Variants in LRRC69 observed in about 807,000 individuals in gnomAD.
The protein encoded by LRRC69 is leucine rich repeat containing 69.
LRRC69 carries 42 observed loss-of-function variants against 37.8 expected under a neutral mutation model. The observed-to-expected ratio is 1.11, with a 90% confidence interval of 0.87 to 1.44. The LOEUF (loss-of-function observed/expected upper bound fraction) is 1.44. LRRC69 is among the 40% of genes most tolerant of loss of function. The pLI, the probability that LRRC69 is intolerant of heterozygous loss-of-function variation, is 0.00. For missense variants in LRRC69, 357 were observed against 401.9 expected (o/e 0.89, Z 0.96); for synonymous variants, 141 against 143.1 (o/e 0.99, Z 0.11).
intron 5 of LRRC69, among the ~76,000 whole-genome samples, chr8:91,183,955 CA>C (rs1344445605): frequency 2.0e-5 from 3 of 152,034 alleles, no homozygotes; most frequent in African/African-American, 7.2e-5. Context: ...ATTTACCATT[CA>C]TTTTTTTTAA....
intron 5 of LRRC69, among the ~76,000 whole-genome samples, chr8:91,167,554 A>G (rs1426701701): frequency 6.6e-6 from 1 of 151,966 alleles, no homozygotes; most frequent in South Asian, 2.1e-4. Context: ...GCACTAATAT[A>G]TACAAGGAAG....
intron 5 of LRRC69, among the ~76,000 whole-genome samples, chr8:91,154,445 T>C (rs1034888462): frequency 2.0e-5 from 3 of 151,726 alleles, no homozygotes; most frequent in Non-Finnish European, 4.4e-5. Context: ...CAGGCCAATA[T>C]CTCTGATGAG....
At chr8:91,205,170 G>A (rs1205965952) in intron 7 of LRRC69, among the ~76,000 whole-genome samples, 3 of 152,046 alleles carry the variant, frequency 2.0e-5, no homozygotes, top group Non-Finnish European at 4.4e-5. Flanking sequence ...ATGAATGAAT[G>A]GATAAATAAA....
chr8:91,116,387 A>T (rs1268933971), intron 1 of LRRC69, among the ~76,000 whole-genome samples: 3 of 152,086 alleles, frequency 2.0e-5, no homozygotes, highest in Non-Finnish European at 4.4e-5. Flanking sequence ...AGTACATTGC[A>T]TAGCAAACAG....
chr8:91,148,927 GTTGT>G (rs1333423362), intron 5 of LRRC69, among the ~76,000 whole-genome samples: 3 of 151,770 alleles, frequency 2.0e-5, no homozygotes, highest in Non-Finnish European at 2.9e-5. Flanking sequence ...TTTTGATGGG[GTTGT>G]TTGTTTTTTT....
chr8:91,145,093 A>C (rs1418599305), intron 5 of LRRC69, among the ~76,000 whole-genome samples: 2 of 151,952 alleles, frequency 1.3e-5, no homozygotes, highest in Non-Finnish European at 2.9e-5. Flanking sequence ...CCATGATCAA[A>C]AATGTCCTTA....
chr8:91,193,161 T>C (rs1468158896), intron 6 of LRRC69, among the ~76,000 whole-genome samples: 3 of 129,632 alleles, frequency 2.3e-5, no homozygotes, highest in East Asian at 4.6e-4. Context: ...TAGTTGTAGA[T>C]ATGCGGCGTT....
intron 5 of LRRC69, among the ~76,000 whole-genome samples, chr8:91,180,091 T>C (rs1221988656): frequency 6.6e-6 from 1 of 152,234 alleles, no homozygotes; most frequent in East Asian, 1.9e-4. Flanking sequence ...TATTAGTTAC[T>C]TGTAGCTGTA....
intron 7 of LRRC69, among the ~76,000 whole-genome samples, chr8:91,204,150 G>A (rs1809759998): frequency 6.6e-6 from 1 of 150,782 alleles, no homozygotes; most frequent in Non-Finnish European, 1.5e-5. Flanking sequence ...AAGATTTCTA[G>A]TTGATTTTCA....
intron 3 of LRRC69, chr8:91,130,672 G>A (rs554825452): frequency 1.3e-5 from 2 of 151,868 alleles, no homozygotes; most frequent in Admixed American, 6.6e-5. Flanking sequence ...TTCCAGTTTA[G>A]GGCTATTATG....
At chr8:91,159,218 TAAATA>T (rs1808891710) in intron 5 of LRRC69, among the ~76,000 whole-genome samples, 1 of 151,162 alleles carries the variant, frequency 6.6e-6, no homozygotes, top group Admixed American at 6.6e-5. Context: ...AAACATAAAA[TAAATA>T]AAATAGAATG....
chr8:91,158,465 A>G, intron 5 of LRRC69: 1 of 1,252,782 alleles, frequency 8.0e-7, no homozygotes, highest in Non-Finnish European at 1.2e-6. Flanking sequence ...TAATGGAAGA[A>G]TGTTTGGAAA....
At chr8:91,197,955 G>A (rs1309181768) in intron 6 of LRRC69, among the ~76,000 whole-genome samples, 1 of 152,134 alleles carries the variant, frequency 6.6e-6, no homozygotes, top group Non-Finnish European at 1.5e-5. Context: ...AGTTTTAAGA[G>A]TATCCCTAAG....
chr8:91,133,728 G>A (rs887249942), intron 4 of LRRC69, among the ~76,000 whole-genome samples: 2 of 151,802 alleles, frequency 1.3e-5, no homozygotes, highest in African/African-American at 4.8e-5. Flanking sequence ...TCCACATCCC[G>A]GGTTCAGGTG....
downstream of LRRC69, chr8:91,219,103 A>G: frequency 2.1e-6 from 1 of 485,734 alleles, no homozygotes; most frequent in East Asian, 3.4e-5. Flanking sequence ...CTCTTTGTCA[A>G]CACATTAAAT....
In LRRC69 at chr8:91,189,630, A is replaced by G; in HGVS notation, c.753+7A>G. Reference sequence around the variant, plus strand: ...GAACGTCTGGAGTCTACAGGTGAAGACTTACCTCATTAACTTAAGTCTTCA... The same window carrying G: ...GAACGTCTGGAGTCTACAGGTGAAGGCTTACCTCATTAACTTAAGTCTTCA... On this transcript the variant is annotated splice_region_variant and intron_variant, in intron 6 of 7. Coordinates refer to ENST00000448384, the Ensembl canonical transcript of LRRC69. 2 of 1,510,572 alleles carry G rather than the reference A, an allele frequency of 1.3e-6. No homozygotes were observed. Among genetic ancestry groups the G allele is most frequent in the Non-Finnish European group, 1.8e-6 (2 of 1,120,854 alleles). The allele number at this position is 1,510,572 out of a possible 1,614,324, so 93.6% of individuals were successfully genotyped here. A position where few individuals can be genotyped will look rare whatever the true frequency, so the allele number is the denominator to read the frequency against.
At chr8:91,172,671 A>G (rs1382241568) in intron 5 of LRRC69, among the ~76,000 whole-genome samples, 1 of 151,732 alleles carries the variant, frequency 6.6e-6, no homozygotes, top group Non-Finnish European at 1.5e-5. Flanking sequence ...ATGCACCACC[A>G]CACTCGGCTA....
intron 5 of LRRC69, among the ~76,000 whole-genome samples, chr8:91,177,078 T>A (rs1809245431): frequency 6.6e-6 from 1 of 152,196 alleles, no homozygotes; most frequent in Non-Finnish European, 1.5e-5. Context: ...GAATCAGATC[T>A]GAATTACTTT....
At chr8:91,118,751 CAT>C (rs1563595043) in intron 1 of LRRC69, among the ~76,000 whole-genome samples, 1 of 152,024 alleles carries the variant, frequency 6.6e-6, no homozygotes, top group Non-Finnish European at 1.5e-5. Flanking sequence ...AGTTGTCTGT[CAT>C]ATGACTAAAG....
Sources: gnomAD v4.1 joint callset for allele counts (sites outside exome capture counted in the v4.1 genomes callset) on GRCh38, gnomAD v4.1.1 for gene constraint, MANE v1.5 for transcripts, NCBI Gene and HGNC (gene_info 2026-07-23, HGNC 2026-07-21) for gene names.